ZRANB3: variants seen among roughly 807,000 people sequenced by gnomAD.
ZRANB3 encodes the protein DNA annealing helicase and endonuclease ZRANB3.
A neutral mutation model predicts 133.8 loss-of-function variants in ZRANB3; 125 were observed. The ratio of observed to expected loss-of-function variants is 0.93; its 90% confidence interval spans 0.81 to 1.08. The LOEUF (loss-of-function observed/expected upper bound fraction) is 1.08. Among genes scored for constraint, ZRANB3 ranks in the 50% least tolerant of loss-of-function variants. ZRANB3 has a pLI of 0.00. For missense variants in ZRANB3, 1,229 were observed against 1,275.5 expected, an observed-to-expected ratio of 0.96 and a Z score of 0.56; for synonymous variants, 387 against 432.7, an observed-to-expected ratio of 0.89 and a Z score of 1.31.
rs955461666 is a variant in ZRANB3, at chr2:135,271,854, A to T, written c.1120T>A (p.Ser374Thr). 1.2e-6 allele frequency: 2 copies of T among 1,613,636 alleles called. No homozygotes were observed. Among genetic ancestry groups the T allele is most frequent in the Non-Finnish European group, 1.7e-6 (2 of 1,179,806 alleles). The change falls in exon 10 of 21, where the codon TCT (serine) becomes ACT (threonine). Residue 374 changes from serine to threonine, a missense_variant. Physicochemically the swap from Ser to Thr is moderately conservative, Grantham distance 58. Transcript: ENST00000264159. ...TTAACCAGATGTATTCTTTCTGAAG[A>T]TGAAACACTTCCATCTATCCTAATG... is the stretch of plus-strand genomic sequence containing the variant. The part of the protein sequence containing the change: ...RYIRIDGSVS[S>T]SERIHLVNQF...
At chr2:135,418,861 A>T (rs1688702789) in intron 2 of ZRANB3, among the ~76,000 whole-genome samples, 1 of 151,548 alleles carries the variant, frequency 6.6e-6, no homozygotes, top group Non-Finnish European at 1.5e-5. Flanking sequence ...AGAGTTGACA[A>T]TGAAGGTTTT....
At chr2:135,349,952 C>A (rs1226315569) in intron 5 of ZRANB3, 32 bp downstream of exon 5, 9 of 1,597,494 alleles carry the variant, frequency 5.6e-6, no homozygotes, top group Non-Finnish European at 7.7e-6. Context: ...CCCTTCTCTT[C>A]TTTTAAGTTC....
chr2:135,345,356 T>C (rs1372715344), intron 6 of ZRANB3, 194 bp downstream of exon 6: 1 of 452,998 alleles, frequency 2.2e-6, no homozygotes, highest in Admixed American at 4.0e-5. Flanking sequence ...TAATCCCAGC[T>C]ACTCAGGAGG....
chr2:135,515,195 A>G (rs1423573046), intron 1 of ZRANB3, among the ~76,000 whole-genome samples: 2 of 152,272 alleles, frequency 1.3e-5, no homozygotes, highest in African/African-American at 4.8e-5. Flanking sequence ...TGTTTGGAAT[A>G]ATTTCAGAAG....
intron 2 of ZRANB3, among the ~76,000 whole-genome samples, chr2:135,452,078 T>G (rs928443563): frequency 1.3e-5 from 2 of 151,916 alleles, no homozygotes; most frequent in Admixed American, 6.6e-5. Context: ...TGGGAAGAAA[T>G]AGAGTTTTAA....
At position 135,228,035 on chromosome 2, in the gene ZRANB3, T is replaced by G. The variant is rs1201191698; in HGVS notation, c.1955-20A>C. 2.7e-6 allele frequency: 4 copies of G among 1,477,120 alleles called. No homozygotes were observed. The African/African-American group carries it at 5.7e-5, about 21-fold the overall frequency. 91.5% of individuals were successfully genotyped at this position (1,477,120 alleles called of 1,614,324 possible). On this transcript the variant is annotated intron_variant, in intron 13 of 20. Transcript: ENST00000264159. Reference sequence around the variant, plus strand: ...GCATAACTATTAAAATAAAAATTATTACAAAAATGTAATAATTTACATTTA... The same window carrying G: ...GCATAACTATTAAAATAAAAATTATGACAAAAATGTAATAATTTACATTTA...
intron 8 of ZRANB3, among the ~76,000 whole-genome samples, chr2:135,293,473 T>C (rs1007391347): frequency 1.3e-5 from 2 of 152,186 alleles, no homozygotes; most frequent in African/African-American, 4.8e-5. Context: ...TGAAGTTGCC[T>C]ATCAGCTTAA....
intron 2 of ZRANB3, among the ~76,000 whole-genome samples, chr2:135,480,757 C>T (rs1309518613): frequency 1.8e-5 from 2 of 113,212 alleles, no homozygotes; most frequent in African/African-American, 6.8e-5. Context: ...AGTGCTATCC[C>T]TCCCCCCTCC....
At chr2:135,247,799 G>A (rs1369058625) in intron 12 of ZRANB3, among the ~76,000 whole-genome samples, 1 of 152,186 alleles carries the variant, frequency 6.6e-6, no homozygotes, top group Non-Finnish European at 1.5e-5. Context: ...CATGTTTGCT[G>A]TTTGGGCACC....
chr2:135,324,590 T>C (rs1398451591), intron 6 of ZRANB3, among the ~76,000 whole-genome samples: 1 of 152,230 alleles, frequency 6.6e-6, no homozygotes, highest in Non-Finnish European at 1.5e-5. Flanking sequence ...CCTTTGGGTA[T>C]ATACCCAGTA....
intron 8 of ZRANB3, among the ~76,000 whole-genome samples, chr2:135,295,407 T>A (rs2104800653): frequency 6.6e-6 from 1 of 152,236 alleles, no homozygotes; most frequent in East Asian, 1.9e-4. Flanking sequence ...AACCCCTGCC[T>A]TTTTTTGTTT....
At chr2:135,346,786 T>A (rs1684954077) in intron 5 of ZRANB3, among the ~76,000 whole-genome samples, 1 of 152,200 alleles carries the variant, frequency 6.6e-6, no homozygotes, top group Non-Finnish European at 1.5e-5. Context: ...ACCAACAGCT[T>A]TATTGTGACA....
intron 8 of ZRANB3, among the ~76,000 whole-genome samples, chr2:135,310,348 T>C (rs1573885018): frequency 6.6e-6 from 1 of 152,142 alleles, no homozygotes; most frequent in Non-Finnish European, 1.5e-5. Context: ...ACATTGCCAA[T>C]TGGTTTTTGG....
chr2:135,286,772 T>C (rs1681393414), intron 8 of ZRANB3, among the ~76,000 whole-genome samples: 1 of 152,152 alleles, frequency 6.6e-6, no homozygotes, highest in African/African-American at 2.4e-5. Context: ...ATTATTATTA[T>C]TTTTTTCTTG....
intron 8 of ZRANB3, among the ~76,000 whole-genome samples, chr2:135,296,804 C>T (rs547731055): frequency 1.3e-5 from 2 of 152,252 alleles, no homozygotes; most frequent in African/African-American, 4.8e-5. Context: ...CAGTCAGGAC[C>T]GTCAGCTGCA....
intron 2 of ZRANB3, among the ~76,000 whole-genome samples, chr2:135,395,520 C>CA (rs1212777572): frequency 1.3e-5 from 2 of 149,818 alleles, no homozygotes; most frequent in East Asian, 3.9e-4. Flanking sequence ...TGCAGTGGTG[C>CA]AATCTTGGCT....
intron 2 of ZRANB3, among the ~76,000 whole-genome samples, chr2:135,417,178 A>G (rs1688621932): frequency 6.6e-6 from 1 of 152,254 alleles, no homozygotes; most frequent in Non-Finnish European, 1.5e-5. Flanking sequence ...CAGGCAACCT[A>G]CAGAATGGGA....
chr2:135,202,762 A>T, intron 20 of ZRANB3, 70 bp downstream of exon 20: 6 of 1,516,856 alleles, frequency 4.0e-6, no homozygotes, highest in Non-Finnish European at 5.3e-6. Flanking sequence ...ATAATCTTCC[A>T]CAACTGTGTG....
At chr2:135,314,014 G>A (rs1174845252) in intron 7 of ZRANB3, among the ~76,000 whole-genome samples, 3 of 152,090 alleles carry the variant, frequency 2.0e-5, no homozygotes, top group South Asian at 2.1e-4. Context: ...ACAGGCATGC[G>A]CCACCACGCC....
Sources: gnomAD v4.1 joint callset for allele counts (sites outside exome capture counted in the v4.1 genomes callset) on GRCh38, gnomAD v4.1.1 for gene constraint, MANE v1.5 for transcripts, NCBI Gene and HGNC (gene_info 2026-07-23, HGNC 2026-07-21) for gene names.